Variants in NPFFR2 observed in about 807,000 individuals in gnomAD.
The protein encoded by NPFFR2 is G-protein coupled receptor 74.
In NPFFR2, 15 loss-of-function variants were observed where a neutral mutation model predicts 13.1. The ratio of observed to expected loss-of-function variants is 1.15; its 90% CI spans 0.77 to 1.76. The LOEUF is 1.76. Ranked by LOEUF, NPFFR2 falls within the 40% of genes most tolerant of loss-of-function variation. The pLI is 0.00. For synonymous variants in NPFFR2, 190 were observed against 175.7 expected (o/e 1.08, Z -0.65); for missense variants, 572 against 503.5 (o/e 1.14, Z -1.30).
chr4:72,092,976 A>G (rs933505662), intron 1 of NPFFR2, among the ~76,000 whole-genome samples: 4 of 152,082 alleles, frequency 2.6e-5, no homozygotes, highest in Non-Finnish European at 1.5e-5. Context: ...TATTTTGAGG[A>G]TTGTTTCAAG....
intron 1 of NPFFR2, among the ~76,000 whole-genome samples, chr4:72,060,042 G>C (rs1719876616): frequency 6.6e-6 from 1 of 152,086 alleles, no homozygotes; most frequent in Non-Finnish European, 1.5e-5. Flanking sequence ...AGTAGATCCA[G>C]CTTCCCATTT....
intron 1 of NPFFR2, among the ~76,000 whole-genome samples, chr4:72,084,737 C>A (rs1159222578): frequency 1.3e-5 from 2 of 152,118 alleles, no homozygotes; most frequent in African/African-American, 4.8e-5. Flanking sequence ...GTCTCTCAAC[C>A]TGGAATGAGG....
Position 72,142,157 on chromosome 4 carries a change from G to A in NPFFR2, c.428+4018G>A, listed in dbSNP as rs138401961. ...TTCTTTTGATTCTATATGTGTCTCT[G>A]CATGTGAGATGGGTCTCCTGAATAC... On this transcript the variant is annotated intron_variant, in intron 3 of 3. Transcript: ENST00000308744. Among the ~76,000 whole-genome samples, 796 of 152,156 alleles carry A rather than the reference G, an allele frequency of 5.2e-3. 4 individuals carry two copies. Among genetic ancestry groups the A allele is most frequent in the African/African-American group, 0.018 (757 of 41,502 alleles).
At chr4:72,091,406 A>G (rs2109802096) in intron 1 of NPFFR2, among the ~76,000 whole-genome samples, 1 of 152,224 alleles carries the variant, frequency 6.6e-6, no homozygotes, top group East Asian at 1.9e-4. Context: ...TAGGATTGGT[A>G]CTAATTCTTC....
chr4:72,099,559 T>C (rs1721176630), intron 1 of NPFFR2, among the ~76,000 whole-genome samples: 1 of 151,950 alleles, frequency 6.6e-6, no homozygotes, highest in Non-Finnish European at 1.5e-5. Context: ...TATCACATGG[T>C]GAGACCAGGA....
At position 72,032,042 on chromosome 4, in the gene NPFFR2, C is replaced by A; in HGVS notation, c.-166C>A. The A allele has an allele frequency of 6.2e-7, 1 of 1,614,036 alleles. No individual in the cohort carries two copies. The highest frequency in any genetic ancestry group is 8.5e-7 in the Non-Finnish European group (1 of 1,179,990). ...GCGGCGGGCCAGCCTGGAGCGGAAG[C>A]CTGGAGTGGAGCAGGCAGTCCGCGG... On this transcript the variant is annotated 5_prime_UTR_variant, in exon 1 of 4. Coordinates refer to ENST00000308744, the MANE Select transcript of NPFFR2 (RefSeq NM_004885.3).
intron 1 of NPFFR2, among the ~76,000 whole-genome samples, chr4:72,127,264 A>G (rs1208756696): frequency 2.1e-5 from 2 of 95,886 alleles, no homozygotes; most frequent in Non-Finnish European, 3.8e-5. Context: ...AGATCGCGCC[A>G]CTGCACTCCA....
At chr4:72,060,784 C>T (rs969130260) in intron 1 of NPFFR2, among the ~76,000 whole-genome samples, 2 of 152,094 alleles carry the variant, frequency 1.3e-5, no homozygotes, top group Non-Finnish European at 2.9e-5. Context: ...CATCACTTTT[C>T]TACTAAAGTC....
At chr4:72,039,601 A>G (rs980611369) in intron 1 of NPFFR2, among the ~76,000 whole-genome samples, 2 of 152,192 alleles carry the variant, frequency 1.3e-5, no homozygotes, top group African/African-American at 2.4e-5. Flanking sequence ...TCAATTCTAA[A>G]TGGCTGTATA....
At chr4:72,137,546 T>C (rs1052354800) in intron 2 of NPFFR2, among the ~76,000 whole-genome samples, 9 of 152,168 alleles carry the variant, frequency 5.9e-5, no homozygotes, top group Non-Finnish European at 1.0e-4. Context: ...AACTCCTGAT[T>C]CCTCATAATT....
chr4:72,060,125 A>G (rs1719879245), intron 1 of NPFFR2, among the ~76,000 whole-genome samples: 1 of 152,138 alleles, frequency 6.6e-6, no homozygotes, highest in Non-Finnish European at 1.5e-5. Flanking sequence ...TTTCCATTGT[A>G]GTGACTTGAG....
rs368654718 is a variant in NPFFR2 at position 72,070,561 on chromosome 4, G to GTGTGTGTGTGTGTGTGTGTGTGTGT, written c.-8+38361_-8+38362insTGTGTGTGTGTGTGTGTGTGTGTGT. 1.7e-4 allele frequency among the ~76,000 whole-genome samples: 23 copies of GTGTGTGTGTGTGTGTGTGTGTGTGT among 131,642 alleles called. 5 individuals are homozygous for GTGTGTGTGTGTGTGTGTGTGTGTGT. Among genetic ancestry groups the GTGTGTGTGTGTGTGTGTGTGTGTGT allele is most frequent in the East Asian group, 3.7e-4 (1 of 2,726 alleles). The allele number at this position is 131,642 out of a possible 152,430, so 86.4% of individuals were successfully genotyped here. A position where few individuals can be genotyped will look rare whatever the true frequency, so the allele number is the denominator to read the frequency against. ...AAGTATCGTGTGTGTGTGTGTGTGT[G>GTGTGTGTGTGTGTGTGTGTGTGTGT]GGGGGGGGGGGTGGGGCTCTGGTGG... On this transcript the variant is annotated intron_variant, in intron 1 of 3. Coordinates refer to ENST00000308744, the MANE Select transcript of NPFFR2 (RefSeq NM_004885.3).
Position 72,032,062 on chromosome 4 carries a change from C to T in NPFFR2, c.-146C>T, listed in dbSNP as rs766685613. The T allele has an allele frequency of 1.9e-6, 3 of 1,614,040 alleles. No homozygotes were observed. In the South Asian group the frequency reaches 3.3e-5, roughly 18 times the overall value. On this transcript the variant is annotated 5_prime_UTR_variant, in exon 1 of 4. Coordinates refer to ENST00000308744, the MANE Select transcript of NPFFR2 (RefSeq NM_004885.3). ...GGAAGCCTGGAGTGGAGCAGGCAGT[C>T]CGCGGGGGACAGACGTCGGCTGGGA...
chr4:72,074,008 GGGTTTCACTTTCCAGGGTTTCACTTTCCA>G (rs1720346346), intron 1 of NPFFR2, among the ~76,000 whole-genome samples: 1 of 7,840 alleles, frequency 1.3e-4, no homozygotes, highest in Non-Finnish European at 4.8e-4. Context: ...CACTTTCCAT[GGGTTTCACTTTCCAGGGTTTCACTTTCCA>G]TGGTTTCAGT....
Position 72,137,421 on chromosome 4 carries a change from T to C in NPFFR2, c.329-619T>C, listed in dbSNP as rs16847515. On this transcript the variant is annotated intron_variant, in intron 2 of 3. Coordinates refer to ENST00000308744, the MANE Select transcript of NPFFR2 (RefSeq NM_004885.3). ...TTTATAAACTTTACAGTAGCTAAGG[T>C]TTAGTAGGAAAGTAATACTTTTGTT... Among the ~76,000 whole-genome samples, 502 of 152,228 alleles carry C rather than the reference T, an allele frequency of 3.3e-3. 3 individuals carry two copies. The highest frequency in any genetic ancestry group is 0.012 in the African/African-American group (479 of 41,548).
chr4:72,112,439 T>A (rs911775562), intron 1 of NPFFR2, among the ~76,000 whole-genome samples: 14 of 152,010 alleles, frequency 9.2e-5, no homozygotes, highest in African/African-American at 3.1e-4. Flanking sequence ...TGTGCATAGA[T>A]CTTTTTATCA....
At chr4:72,037,246 A>C (rs1274434954) in intron 1 of NPFFR2, among the ~76,000 whole-genome samples, 2 of 151,732 alleles carry the variant, frequency 1.3e-5, no homozygotes, top group East Asian at 3.9e-4. Flanking sequence ...AAAAAACAAA[A>C]AACTAGCTGG....
At chr4:72,032,836 A>ATCT (rs367733395) in intron 1 of NPFFR2, among the ~76,000 whole-genome samples, 2 of 152,222 alleles carry the variant, frequency 1.3e-5, no homozygotes, top group Non-Finnish European at 2.9e-5. Context: ...GAGGAAAATG[A>ATCT]TCTTCTTCAA....
At chr4:72,036,890 A>G (rs893107471) in intron 1 of NPFFR2, among the ~76,000 whole-genome samples, 1 of 152,196 alleles carries the variant, frequency 6.6e-6, no homozygotes, top group Non-Finnish European at 1.5e-5. Context: ...ATTTCGATTA[A>G]GTGCTTGCAC....
Sources: allele counts gnomAD v4.1 joint callset (sites outside exome capture counted in the v4.1 genomes callset), GRCh38; gene constraint gnomAD v4.1.1; transcripts MANE v1.5; gene names NCBI Gene and HGNC (gene_info 2026-07-23, HGNC 2026-07-21).